The following MYT1L variants were observed in gnomAD, a reference collection of about 807,000 sequenced individuals.
The protein encoded by MYT1L is myelin transcription factor 1 like.
MYT1L carries 12 observed loss-of-function variants against 126.7 expected under a neutral mutation model. That is an observed-to-expected ratio of 0.09 (90% CI 0.06 to 0.15). MYT1L has a LOEUF of 0.15. Ranked by LOEUF, MYT1L falls within the 10% of genes least tolerant of loss-of-function variation. The pLI is 1.00. For missense variants in MYT1L, 979 were observed against 1,585.2 expected (o/e 0.62, Z 6.49); for synonymous variants, 541 against 604.2 (o/e 0.90, Z 1.53).
chr2:2,268,858 A>G (rs913606492), intron 2 of MYT1L, among the ~76,000 whole-genome samples: 1 of 152,220 alleles, frequency 6.6e-6, no homozygotes, highest in Non-Finnish European at 1.5e-5. Flanking sequence ...GTAAAATATT[A>G]TTATGAAGAT....
At chr2:2,169,859 C>A (rs192728216) in intron 3 of MYT1L, among the ~76,000 whole-genome samples, 1 of 152,148 alleles carries the variant, frequency 6.6e-6, no homozygotes, top group Non-Finnish European at 1.5e-5. Context: ...TGTATCCAGG[C>A]GTGGAAACAC....
At chr2:1,846,938 T>G (rs2042579873) in intron 19 of MYT1L, among the ~76,000 whole-genome samples, 2 of 152,212 alleles carry the variant, frequency 1.3e-5, no homozygotes, top group Non-Finnish European at 2.9e-5. Flanking sequence ...CTCTTCTGCA[T>G]GACATCAAGC....
At position 1,871,472 on chromosome 2, in the gene MYT1L, CCT is replaced by C. The variant is rs2046282986; in HGVS notation, c.2711+15065_2711+15066del. ...TGCAGAGAGCTGGACACAGCGTGCC[CCT>C]GTGGGACCCCACATGAGTCCAGTGA... On this transcript the variant is annotated intron_variant, in intron 18 of 24. Transcript: ENST00000647738. 1.3e-5 allele frequency among the ~76,000 whole-genome samples: 2 copies of C among 152,232 alleles called. 1 individual carries two copies. Among genetic ancestry groups the C allele is most frequent in the South Asian group, 4.1e-4 (2 of 4,836 alleles).
At chr2:2,004,012 T>C (rs2062741230) in intron 4 of MYT1L, among the ~76,000 whole-genome samples, 1 of 151,596 alleles carries the variant, frequency 6.6e-6, no homozygotes, top group South Asian at 2.1e-4. Context: ...CATGCCTTCT[T>C]TCCTGCATGC....
At chr2:2,195,061 C>A (rs1323072780) in intron 2 of MYT1L, among the ~76,000 whole-genome samples, 2 of 152,228 alleles carry the variant, frequency 1.3e-5, no homozygotes, top group African/African-American at 2.4e-5. Context: ...TAAGACTCTA[C>A]ACAACCCATT....
intron 3 of MYT1L, among the ~76,000 whole-genome samples, chr2:2,168,320 C>G (rs75205821): frequency 0.022 from 3,331 of 152,258 alleles, 113 homozygotes; most frequent in African/African-American, 0.076. Flanking sequence ...TGCTAGGAAG[C>G]CAAGTGACAA....
intron 3 of MYT1L, among the ~76,000 whole-genome samples, chr2:2,158,223 C>T (rs1360201683): frequency 6.6e-6 from 1 of 151,602 alleles, no homozygotes; most frequent in Non-Finnish European, 1.5e-5. Flanking sequence ...TTTATATATG[C>T]CCTGGCCCTT....
chr2:1,966,336 C>T (rs141270065), intron 8 of MYT1L, among the ~76,000 whole-genome samples: 12 of 152,292 alleles, frequency 7.9e-5, no homozygotes, highest in East Asian at 1.9e-4. Context: ...CCTTTAAAAA[C>T]GATCGTTTTA....
Position 1,917,070 on chromosome 2 carries a change from T to C in MYT1L, c.1618+135A>G. Reference sequence around the variant, plus strand: ...CCACGAATCCTGGATCAGTTGCCCATCAAGTTAAGTAGGGGCCTAGTTAAA... The same window carrying C: ...CCACGAATCCTGGATCAGTTGCCCACCAAGTTAAGTAGGGGCCTAGTTAAA... On this transcript the variant is annotated intron_variant, in intron 11 of 24. Transcript: ENST00000647738. The surrounding 1 kb of genome is among the most constrained non-coding windows in gnomAD (Gnocchi z 5.9). 8.6e-7 allele frequency: 1 copy of C among 1,169,162 alleles called. No homozygotes were observed. 72.4% of individuals were successfully genotyped at this position (1,169,162 alleles called of 1,614,324 possible).
At chr2:2,109,559 G>A (rs2079130380) in intron 3 of MYT1L, among the ~76,000 whole-genome samples, 1 of 148,406 alleles carries the variant, frequency 6.7e-6, no homozygotes, top group Non-Finnish European at 1.5e-5. Flanking sequence ...GAAATTTCTG[G>A]AAAAAAAAAC....
At chr2:1,879,453 C>T (rs2047287819) in intron 18 of MYT1L, among the ~76,000 whole-genome samples, 1 of 152,162 alleles carries the variant, frequency 6.6e-6, no homozygotes, top group Non-Finnish European at 1.5e-5. Context: ...CAAGAAAGCT[C>T]ACTTCTCAGA....
Position 1,886,572 on chromosome 2 carries a change from C to T in MYT1L, c.2678G>A (p.Arg893Gln). Residue 893 changes from arginine to glutamine, a missense_variant, in exon 18 of 25, where the codon CGA (arginine) becomes CAA (glutamine). Coordinates refer to ENST00000647738, the MANE Select transcript of MYT1L (RefSeq NM_001303052.2). ...TTGGGAGCTGGTGGCCAGCATACTTCGAATGCTTTTGTCCGCCAGGGGGCA... is the reference window on the plus strand; with the variant it reads ...TTGGGAGCTGGTGGCCAGCATACTTTGAATGCTTTTGTCCGCCAGGGGGCA... ...SGCPLADKSIRSMLATSSQEL... is the reference protein window; with the variant it reads ...SGCPLADKSIQSMLATSSQEL... 1.3e-6 allele frequency: 2 copies of T among 1,576,012 alleles called. No homozygotes were observed. Among genetic ancestry groups the T allele is most frequent in the Non-Finnish European group, 1.7e-6 (2 of 1,161,442 alleles).
intron 3 of MYT1L, among the ~76,000 whole-genome samples, chr2:2,095,488 T>G (rs1309190805): frequency 1.3e-5 from 2 of 152,118 alleles, no homozygotes; most frequent in Non-Finnish European, 2.9e-5. Context: ...CCTGCTTGGG[T>G]TGGAGACACC....
Position 2,080,019 on chromosome 2 carries a change from T to A in MYT1L, c.-303-25896A>T, listed in dbSNP as rs537386691. ...ATGGGGAATCTAAAAATAAACCATC[T>A]CACTTATTGTCAACTGATTTTTGAC... On this transcript the variant is annotated intron_variant, in intron 3 of 24. Coordinates refer to ENST00000647738, the MANE Select transcript of MYT1L (RefSeq NM_001303052.2). Among the ~76,000 whole-genome samples, 25 of 152,276 alleles carry A rather than the reference T, an allele frequency of 1.6e-4. No homozygotes were observed. The South Asian group carries it at 5.2e-3, about 32-fold the overall frequency.
intron 18 of MYT1L, among the ~76,000 whole-genome samples, chr2:1,884,910 A>G (rs2047984395): frequency 2.6e-5 from 4 of 152,196 alleles, no homozygotes; most frequent in African/African-American, 9.7e-5. Context: ...ATGAAGTAAG[A>G]GAAGAAGAAA....
chr2:2,074,527 GA>G (rs1217173973), intron 3 of MYT1L, among the ~76,000 whole-genome samples: 1 of 152,146 alleles, frequency 6.6e-6, no homozygotes, highest in African/African-American at 2.4e-5. Flanking sequence ...CCAGTTAAAT[GA>G]AGACCATTTG....
At chr2:1,978,809 C>A (rs1448829636) in intron 8 of MYT1L, among the ~76,000 whole-genome samples, 2 of 152,200 alleles carry the variant, frequency 1.3e-5, no homozygotes, top group East Asian at 1.9e-4. Flanking sequence ...TACCATCCTG[C>A]CACTCCCAGA....
Position 1,791,358 on chromosome 2 carries a change from A to G in MYT1L, c.*509T>C. 1.4e-5 allele frequency: 6 copies of G among 434,988 alleles called. 1 individual carries two copies. The highest frequency in any genetic ancestry group is 1.0e-4 in the South Asian group (6 of 58,498). The allele number at this position is 434,988 out of a possible 1,614,324, so 26.9% of individuals were successfully genotyped here. On this transcript the variant is annotated 3_prime_UTR_variant, in exon 25 of 25. Coordinates refer to ENST00000647738, the MANE Select transcript of MYT1L (RefSeq NM_001303052.2). This position sits in a 1 kb window ranked among gnomAD's most constrained non-coding sequence, Gnocchi z 6.0. ...GAATTCTTGCTATGAAACAATATGC[A>G]CACAAAATGTATTTCTTAAATTCCA...
At chr2:1,968,971 G>A (rs1012292700) in intron 8 of MYT1L, among the ~76,000 whole-genome samples, 21 of 152,202 alleles carry the variant, frequency 1.4e-4, no homozygotes, top group African/African-American at 4.8e-4. Flanking sequence ...AGGCCAGGCT[G>A]AGTCCAGAGA....
Sources: gnomAD v4.1 joint callset for allele counts (sites outside exome capture counted in the v4.1 genomes callset) on GRCh38, gnomAD v4.1.1 for gene constraint, Gnocchi (gnomAD v3.1) non-coding constraint, MANE v1.5 for transcripts, NCBI Gene and HGNC (gene_info 2026-07-23, HGNC 2026-07-21) for gene names.